ULK4: variants seen among roughly 807,000 people sequenced by gnomAD.
ULK4 encodes the protein unc-51 like kinase 4.
In ULK4, 133 loss-of-function variants were observed where a neutral mutation model predicts 160.6. The observed-to-expected ratio is 0.83, with a 90% CI of 0.72 to 0.96. ULK4 has a LOEUF of 0.96. ULK4 is among the 40% of genes least tolerant of loss of function. ULK4 has a pLI of 0.00. For synonymous variants in ULK4, 534 were observed against 539.8 expected (o/e 0.99, Z 0.15); for missense variants, 1,580 against 1,499.5 (o/e 1.05, Z -0.89).
chr3:41,416,749 C>G (rs2082536102), intron 34 of ULK4, among the ~76,000 whole-genome samples: 1 of 152,070 alleles, frequency 6.6e-6, no homozygotes, highest in Non-Finnish European at 1.5e-5. Context: ...CTGAAATGCC[C>G]CATGTGAAAC....
At chr3:41,591,361 C>A (rs1306394213) in intron 31 of ULK4, among the ~76,000 whole-genome samples, 1 of 150,934 alleles carries the variant, frequency 6.6e-6, no homozygotes, top group Admixed American at 6.6e-5. Context: ...GTTTTTCAGA[C>A]AAATTTTTTT....
At chr3:41,529,541 G>A (rs1388151847) in intron 32 of ULK4, among the ~76,000 whole-genome samples, 2 of 152,194 alleles carry the variant, frequency 1.3e-5, no homozygotes, top group Non-Finnish European at 2.9e-5. Flanking sequence ...CTGGAGTGCA[G>A]TGGCACAATC....
intron 30 of ULK4, among the ~76,000 whole-genome samples, chr3:41,634,282 G>A (rs370199215): frequency 1.3e-5 from 2 of 152,278 alleles, no homozygotes; most frequent in African/African-American, 4.8e-5. Flanking sequence ...CATCACTCTG[G>A]CTCTGAAAGC....
intron 27 of ULK4, among the ~76,000 whole-genome samples, chr3:41,696,791 A>G (rs1051297515): frequency 2.6e-5 from 4 of 152,166 alleles, no homozygotes; most frequent in East Asian, 3.8e-4. Flanking sequence ...GGTGGGTCCA[A>G]TATAATAATA....
chr3:41,385,191 C>T (rs941673687), intron 35 of ULK4, among the ~76,000 whole-genome samples: 1 of 152,142 alleles, frequency 6.6e-6, no homozygotes, highest in African/African-American at 2.4e-5. Flanking sequence ...CACATACATA[C>T]AACAGAAATA....
At chr3:41,373,234 A>C (rs911717072) in intron 35 of ULK4, among the ~76,000 whole-genome samples, 4 of 152,210 alleles carry the variant, frequency 2.6e-5, no homozygotes, top group African/African-American at 9.6e-5. Context: ...TCAACGAAAC[A>C]GAAAATTAAT....
At chr3:41,830,163 G>T (rs141856172) in intron 18 of ULK4, among the ~76,000 whole-genome samples, 1 of 152,100 alleles carries the variant, frequency 6.6e-6, no homozygotes, top group Non-Finnish European at 1.5e-5. Flanking sequence ...GGGGGAGTGG[G>T]GAGGGATAGC....
At chr3:41,340,285 A>T (rs1224504031) in intron 35 of ULK4, among the ~76,000 whole-genome samples, 1 of 152,254 alleles carries the variant, frequency 6.6e-6, no homozygotes, top group East Asian at 1.9e-4. Flanking sequence ...AGATATTGTT[A>T]GAAGGTAACA....
Position 41,900,816 on chromosome 3 carries a change from T to C in ULK4, c.1196A>G (p.His399Arg), listed in dbSNP as rs763360160. 2 of 1,613,284 alleles carry C rather than the reference T, an allele frequency of 1.2e-6. No individual in the cohort carries two copies. The highest frequency in any genetic ancestry group is 2.2e-5 in the South Asian group (2 of 91,022). ...TSPLTKITSGHLSQQDLESQM... is the reference protein window; with the variant it reads ...TSPLTKITSGRLSQQDLESQM... ...GGATTCCAGGTCCTGCTGACTCAGG[T>C]GTCCACTTGTAATCTGAAATGAGAA... The change falls in exon 13 of 37, where the codon CAC (histidine) becomes CGC (arginine). Residue 399 changes from histidine to arginine, a missense_variant. His to Arg is a conservative substitution (Grantham distance 29). Transcript: ENST00000301831.
chr3:41,645,506 G>A (rs998105981), intron 30 of ULK4, among the ~76,000 whole-genome samples: 2 of 152,182 alleles, frequency 1.3e-5, no homozygotes, highest in Non-Finnish European at 2.9e-5. Context: ...GTGGTTTTCA[G>A]TGAGTTTCTT....
intron 17 of ULK4, among the ~76,000 whole-genome samples, chr3:41,870,003 T>C (rs986851629): frequency 2.0e-5 from 3 of 152,246 alleles, no homozygotes; most frequent in Non-Finnish European, 4.4e-5. Flanking sequence ...ATTTTTTTCT[T>C]TGAACACTTT....
chr3:41,284,402 G>C (rs1254415199), intron 35 of ULK4, among the ~76,000 whole-genome samples: 2 of 151,988 alleles, frequency 1.3e-5, no homozygotes, highest in Non-Finnish European at 2.9e-5. Context: ...TAGACACATA[G>C]ACCGATGGAA....
chr3:41,729,761 C>G (rs901497518), intron 22 of ULK4, among the ~76,000 whole-genome samples: 1 of 152,168 alleles, frequency 6.6e-6, no homozygotes, highest in Non-Finnish European at 1.5e-5. Flanking sequence ...GGGAAGCAGC[C>G]CAAGCTGGCA....
chr3:41,616,319 T>G (rs2032961138), intron 30 of ULK4, among the ~76,000 whole-genome samples: 1 of 152,102 alleles, frequency 6.6e-6, no homozygotes, highest in Admixed American at 6.5e-5. Context: ...CAGTTTTGAT[T>G]AAGAACAATA....
In ULK4 at chr3:41,593,935, G is replaced by C. The variant is rs369553612; in HGVS notation, c.3120+21734C>G. Among the ~76,000 whole-genome samples, 257 of 151,930 alleles carry C rather than the reference G, an allele frequency of 1.7e-3. 2 individuals are homozygous for C. The highest frequency in any genetic ancestry group is 5.9e-3 in the African/African-American group (246 of 41,442). On this transcript the variant is annotated intron_variant, in intron 31 of 36. Coordinates refer to ENST00000301831, the MANE Select transcript of ULK4 (RefSeq NM_017886.4). ...GTAGTCCCAGCTACCGGGGTTGGGGGAAGGGGGGCTGAGGTGGGAAGATGG... is the reference window on the plus strand; with the variant it reads ...GTAGTCCCAGCTACCGGGGTTGGGGCAAGGGGGGCTGAGGTGGGAAGATGG...
intron 17 of ULK4, among the ~76,000 whole-genome samples, chr3:41,845,723 A>G (rs564759906): frequency 6.6e-6 from 1 of 152,172 alleles, no homozygotes; most frequent in Non-Finnish European, 1.5e-5. Context: ...ACAGAGAGAA[A>G]CTATTATTAT....
chr3:41,507,769 A>G (rs919042500), intron 32 of ULK4, among the ~76,000 whole-genome samples: 1 of 152,158 alleles, frequency 6.6e-6, no homozygotes, highest in Admixed American at 6.5e-5. Flanking sequence ...TTCAAAACGG[A>G]CTCCACTCAT....
At chr3:41,861,867 GCTGGAGTGCAGTGGCATGATCTCCGCTCA>G (rs1237315675) in intron 17 of ULK4, among the ~76,000 whole-genome samples, 1 of 152,036 alleles carries the variant, frequency 6.6e-6, no homozygotes, top group Admixed American at 6.6e-5. Context: ...TGTCACCCAG[GCTGGAGTGCAGTGGCATGATCTCCGCTCA>G]CTGCAACCTC....
intron 34 of ULK4, among the ~76,000 whole-genome samples, chr3:41,427,393 G>A (rs2082801759): frequency 6.6e-6 from 1 of 152,262 alleles, no homozygotes; most frequent in East Asian, 1.9e-4. Flanking sequence ...CAATTGAAAA[G>A]AAGGGTCTTC....
Sources: gnomAD v4.1 joint callset for allele counts (sites outside exome capture counted in the v4.1 genomes callset) on GRCh38, gnomAD v4.1.1 for gene constraint, MANE v1.5 for transcripts, NCBI Gene and HGNC (gene_info 2026-07-23, HGNC 2026-07-21) for gene names.